SPMIP11: variants seen among roughly 807,000 people sequenced by gnomAD.
SPMIP11 encodes long intergenic non-protein coding RNA 935.
At chr12:48,753,788 G>GC in the SPMIP11 span, among the ~76,000 whole-genome samples, 31 of 140,722 alleles carry the variant, frequency 2.2e-4, no homozygotes, top group East Asian at 1.9e-3. Flanking sequence ...TGCAACCTCT[G>GC]CCCCCCCGGG....
the SPMIP11 span, chr12:48,759,417 G>GCA: frequency 1.8e-5 from 12 of 670,320 alleles, no homozygotes; most frequent in African/African-American, 1.9e-4. Context: ...GGCCGGGCTT[G>GCA]GTGGCTCATG....
chr12:48,752,242 A>G, the SPMIP11 span, among the ~76,000 whole-genome samples: 1 of 152,202 alleles, frequency 6.6e-6, no homozygotes, highest in Non-Finnish European at 1.5e-5. Context: ...TCCTGTGGCT[A>G]GAATATCTTT....
chr12:48,752,603 G>A, the SPMIP11 span, among the ~76,000 whole-genome samples: 1 of 150,968 alleles, frequency 6.6e-6, no homozygotes, highest in Non-Finnish European at 1.5e-5. Flanking sequence ...GCACAATCCT[G>A]TATCAGTCCT....
At chr12:48,741,495 C>A in the SPMIP11 span, among the ~76,000 whole-genome samples, 3 of 152,066 alleles carry the variant, frequency 2.0e-5, no homozygotes, top group African/African-American at 7.3e-5. Context: ...TCCATCATAT[C>A]GGGAGGCTCA....
the SPMIP11 span, among the ~76,000 whole-genome samples, chr12:48,754,958 C>T: frequency 6.7e-6 from 1 of 149,238 alleles, no homozygotes; most frequent in Non-Finnish European, 1.5e-5. Context: ...TGCCTGGCTG[C>T]AAATACCCTA....
chr12:48,769,759 G>GTTT, the SPMIP11 span, among the ~76,000 whole-genome samples: 1 of 103,794 alleles, frequency 9.6e-6, no homozygotes. Flanking sequence ...ACTAATTTTT[G>GTTT]TTTTTTTTTT....
At chr12:48,757,581 T>G in the SPMIP11 span, among the ~76,000 whole-genome samples, 49,294 of 150,460 alleles carry the variant, frequency 0.33, 9,302 homozygotes, top group East Asian at 0.74. Flanking sequence ...AGGAGGCAGA[T>G]GTTGCAGTGA....
At chr12:48,754,226 C>A in the SPMIP11 span, among the ~76,000 whole-genome samples, 3 of 152,010 alleles carry the variant, frequency 2.0e-5, no homozygotes, top group African/African-American at 4.8e-5. Context: ...CATAGCAAGA[C>A]CCTTTCTCTA....
chr12:48,756,027 G>T, the SPMIP11 span, among the ~76,000 whole-genome samples: 1 of 151,464 alleles, frequency 6.6e-6, no homozygotes, highest in Admixed American at 6.6e-5. Flanking sequence ...ACAGGCCCCT[G>T]CCACCACACC....
At chr12:48,728,055 A>G in the SPMIP11 span, among the ~76,000 whole-genome samples, 1 of 152,226 alleles carries the variant, frequency 6.6e-6, no homozygotes, top group East Asian at 1.9e-4. Context: ...TCTCAAAAAA[A>G]AAAAAAGACA....
the SPMIP11 span, among the ~76,000 whole-genome samples, chr12:48,728,602 G>A: frequency 6.6e-6 from 1 of 151,862 alleles, no homozygotes; most frequent in South Asian, 2.1e-4. Flanking sequence ...CAGCTACTTG[G>A]GAGGCTGAGG....
the SPMIP11 span, among the ~76,000 whole-genome samples, chr12:48,745,036 C>A: frequency 6.6e-6 from 1 of 151,848 alleles, no homozygotes; most frequent in Non-Finnish European, 1.5e-5. Flanking sequence ...TTTGGGAAGC[C>A]GAGGCGGGTG....
chr12:48,732,162 A>C, the SPMIP11 span, among the ~76,000 whole-genome samples: 1 of 151,332 alleles, frequency 6.6e-6, no homozygotes, highest in South Asian at 2.1e-4. Context: ...AAAAAAAAAA[A>C]CATAAAAGCC....
the SPMIP11 span, among the ~76,000 whole-genome samples, chr12:48,737,501 G>A: frequency 5.4e-5 from 8 of 148,530 alleles, no homozygotes; most frequent in East Asian, 1.0e-3. Flanking sequence ...AACAATGTCC[G>A]CCTCCTGGGT....
the SPMIP11 span, chr12:48,736,219 C>A: frequency 5.6e-6 from 2 of 359,178 alleles, no homozygotes; most frequent in South Asian, 2.0e-5. Context: ...GGATGAACAA[C>A]ATGGGGAAAC....
chr12:48,738,660 G>C, the SPMIP11 span, among the ~76,000 whole-genome samples: 1 of 151,190 alleles, frequency 6.6e-6, no homozygotes, highest in Non-Finnish European at 1.5e-5. Flanking sequence ...TCAGCCTCCC[G>C]AGTAGCTGGG....
At chr12:48,736,130 A>G in the SPMIP11 span, 13 of 451,276 alleles carry the variant, frequency 2.9e-5, no homozygotes, top group African/African-American at 1.6e-4. Flanking sequence ...CCTGGCCTCC[A>G]TGGTAGCTCA....
At chr12:48,763,188 G>A in the SPMIP11 span, among the ~76,000 whole-genome samples, 7 of 152,124 alleles carry the variant, frequency 4.6e-5, no homozygotes, top group South Asian at 8.3e-4. Context: ...TTATCTATTC[G>A]AGACAGAATC....
At chr12:48,750,353 T>G in the SPMIP11 span, among the ~76,000 whole-genome samples, 1 of 152,110 alleles carries the variant, frequency 6.6e-6, no homozygotes, top group African/African-American at 2.4e-5. Flanking sequence ...ACTCTCTCTC[T>G]CTAAAAAACA....
Sources: gnomAD v4.1 joint callset for allele counts (sites outside exome capture counted in the v4.1 genomes callset) on GRCh38, gnomAD v4.1.1 for gene constraint, MANE v1.5 for transcripts, NCBI Gene and HGNC (gene_info 2026-07-23, HGNC 2026-07-21) for gene names.